Variants in MALRD1 observed in about 807,000 individuals in gnomAD.
MALRD1 encodes MAM and LDL receptor class A domain containing 1.
Under a neutral mutation model 242.1 loss-of-function variants are expected in MALRD1, and 247 were observed. The observed-to-expected ratio is 1.02, with a 90% confidence interval of 0.92 to 1.13. MALRD1 has a LOEUF of 1.13. Ranked by LOEUF, MALRD1 falls within the 50% of genes most tolerant of loss-of-function variation. The pLI, the probability that MALRD1 is intolerant of heterozygous loss-of-function variation, is 0.00. For missense variants in MALRD1, 2,989 were observed against 2,533.1 expected, an observed-to-expected ratio of 1.18 and a Z score of -3.86; for synonymous variants, 995 against 866.6, an observed-to-expected ratio of 1.15 and a Z score of -2.60.
intron 10 of MALRD1, 109 bp from the exon 11 acceptor site, chr10:19,146,089 C>A: frequency 1.3e-6 from 1 of 772,718 alleles, no homozygotes; most frequent in Non-Finnish European, 1.8e-6. Flanking sequence ...TATTCACTAC[C>A]AAGCAGAATA....
At chr10:19,513,241 A>G (rs1348573750) in intron 31 of MALRD1, among the ~76,000 whole-genome samples, 1 of 151,918 alleles carries the variant, frequency 6.6e-6, no homozygotes, top group African/African-American at 2.4e-5. Flanking sequence ...CCACATGAGA[A>G]CTCATTGTTA....
intron 36 of MALRD1, among the ~76,000 whole-genome samples, chr10:19,686,884 G>A (rs1009067481): frequency 6.6e-6 from 1 of 152,100 alleles, no homozygotes; most frequent in Non-Finnish European, 1.5e-5. Flanking sequence ...AAATGCCGCA[G>A]TGTTACAGTC....
intron 28 of MALRD1, among the ~76,000 whole-genome samples, chr10:19,432,783 A>G (rs1452546906): frequency 6.6e-6 from 1 of 152,222 alleles, no homozygotes; most frequent in Admixed American, 6.5e-5. Flanking sequence ...CAATCACTAA[A>G]TATTGCTTTT....
At chr10:19,634,536 T>A (rs1198330215) in intron 36 of MALRD1, among the ~76,000 whole-genome samples, 1 of 152,148 alleles carries the variant, frequency 6.6e-6, no homozygotes, top group East Asian at 1.9e-4. Flanking sequence ...CAAAATGGAT[T>A]TCTATTTTAA....
chr10:19,518,273 G>A (rs1833726471), intron 31 of MALRD1, among the ~76,000 whole-genome samples: 1 of 152,118 alleles, frequency 6.6e-6, no homozygotes, highest in Non-Finnish European at 1.5e-5. Flanking sequence ...ATGGCCTCCT[G>A]CTAATTTAAT....
intron 28 of MALRD1, among the ~76,000 whole-genome samples, chr10:19,401,523 T>C (rs1187964555): frequency 6.6e-6 from 1 of 152,176 alleles, no homozygotes; most frequent in Non-Finnish European, 1.5e-5. Context: ...TAAATATTAT[T>C]TGAATGACCT....
intron 29 of MALRD1, among the ~76,000 whole-genome samples, chr10:19,480,500 C>G (rs1186048949): frequency 1.3e-5 from 2 of 152,144 alleles, no homozygotes; most frequent in South Asian, 4.1e-4. Context: ...TGCCAAAGAG[C>G]TTAAGGAATT....
At chr10:19,224,551 A>G (rs918739343) in intron 18 of MALRD1, among the ~76,000 whole-genome samples, 1 of 152,260 alleles carries the variant, frequency 6.6e-6, no homozygotes, top group South Asian at 2.1e-4. Context: ...TTGGCCTCCC[A>G]AAGTGATGGG....
chr10:19,621,351 T>TAAAAAAAAAAAAAAAA (rs56041015), intron 36 of MALRD1, among the ~76,000 whole-genome samples: 2 of 121,832 alleles, frequency 1.6e-5, no homozygotes, highest in Non-Finnish European at 3.3e-5. Context: ...TAAAAATATG[T>TAAAAAAAAAAAAAAAA]AAAAAAAAAA....
intron 30 of MALRD1, among the ~76,000 whole-genome samples, chr10:19,497,084 A>G (rs1427341642): frequency 6.6e-6 from 1 of 152,172 alleles, no homozygotes; most frequent in African/African-American, 2.4e-5. Flanking sequence ...CACAGAGAAT[A>G]GAAAAGGATG....
rs140736756 is a variant in MALRD1 at position 19,068,418 on chromosome 10, G to C, written c.340+1559G>C. On this transcript the variant is annotated intron_variant, in intron 2 of 39. Transcript: ENST00000454679. ...CAGATACCATAGAACGATGTCATCT[G>C]GGTTGACTTAAAATCTCTGGAGTCA... Among the ~76,000 whole-genome samples, 47 of 152,028 alleles carry C rather than the reference G, an allele frequency of 3.1e-4. No homozygotes were observed. The East Asian group carries it at 8.5e-3, about 28-fold the overall frequency.
intron 28 of MALRD1, among the ~76,000 whole-genome samples, chr10:19,405,518 T>C (rs762890447): frequency 6.6e-6 from 1 of 152,124 alleles, no homozygotes; most frequent in Non-Finnish European, 1.5e-5. Context: ...TCAACAAAGA[T>C]TCAATGGGAG....
intron 18 of MALRD1, among the ~76,000 whole-genome samples, chr10:19,238,232 TTATATATAATATGTAATA>T (rs1838498014): frequency 3.2e-5 from 2 of 62,814 alleles, no homozygotes; most frequent in Non-Finnish European, 5.4e-5. Context: ...ATAATATATA[TTATATATAATATGTAATA>T]TACATAATAT....
In MALRD1 at chr10:19,373,203, C is replaced by CAAAAAAAAA. The variant is rs374095193; in HGVS notation, c.4442-14316_4442-14308dup. Among the ~76,000 whole-genome samples the CAAAAAAAAA allele has an allele frequency of 2.2e-3, 257 of 114,798 alleles. 4 individuals carry two copies. The highest frequency in any genetic ancestry group is 7.6e-3 in the African/African-American group (221 of 29,198). The allele number at this position is 114,798 out of a possible 152,430, so 75.3% of individuals were successfully genotyped here. A position where few individuals can be genotyped will look rare whatever the true frequency, so the allele number is the denominator to read the frequency against. ...CTTGCATTTCAGCAAACGCTAAATA[C>CAAAAAAAAA]AAAAAAAAAAAAAAAAATAAGGGGC... On this transcript the variant is annotated intron_variant, in intron 26 of 39. Transcript: ENST00000454679.
intron 33 of MALRD1, among the ~76,000 whole-genome samples, chr10:19,573,535 C>T (rs745416369): frequency 6.6e-6 from 1 of 152,178 alleles, no homozygotes; most frequent in Admixed American, 6.5e-5. Flanking sequence ...CATTTTCTTT[C>T]TCTTCCCAGA....
chr10:19,282,494 C>T (rs891491574), intron 20 of MALRD1, among the ~76,000 whole-genome samples: 4 of 152,148 alleles, frequency 2.6e-5, no homozygotes, highest in Admixed American at 2.6e-4. Context: ...CAGTTTTACA[C>T]ATAACCTGTA....
At chr10:19,379,806 A>T (rs1022430008) in intron 26 of MALRD1, among the ~76,000 whole-genome samples, 1 of 152,060 alleles carries the variant, frequency 6.6e-6, no homozygotes, top group Non-Finnish European at 1.5e-5. Context: ...ATGCTTGATC[A>T]TGGGTTCATT....
At chr10:19,547,273 A>G (rs894534995) in intron 32 of MALRD1, among the ~76,000 whole-genome samples, 3 of 152,260 alleles carry the variant, frequency 2.0e-5, no homozygotes, top group African/African-American at 7.2e-5. Context: ...CATAGTAGCT[A>G]TACGTTTTTT....
chr10:19,502,937 A>G (rs2131262043), intron 31 of MALRD1, among the ~76,000 whole-genome samples: 1 of 152,290 alleles, frequency 6.6e-6, no homozygotes. Context: ...TATTAAGAGT[A>G]TTAATTTTTC....
Sources: allele counts gnomAD v4.1 joint callset (sites outside exome capture counted in the v4.1 genomes callset), GRCh38; gene constraint gnomAD v4.1.1; transcripts MANE v1.5; gene names NCBI Gene and HGNC (gene_info 2026-07-23, HGNC 2026-07-21).